NAGK: variants seen among roughly 807,000 people sequenced by gnomAD.
NAGK encodes N-acetyl-D-glucosamine kinase.
A neutral mutation model predicts 42.9 loss-of-function variants in NAGK; 35 were observed. That is an observed-to-expected ratio of 0.82 (90% CI 0.62 to 1.08). The LOEUF is 1.08. Among genes scored for constraint, NAGK ranks in the 50% least tolerant of loss-of-function variants. The pLI, the probability that NAGK is intolerant of heterozygous loss-of-function variation, is 0.00. For missense variants in NAGK, 446 were observed against 446.0 expected (o/e 1.00, Z 0.00); for synonymous variants, 172 against 176.0 (o/e 0.98, Z 0.18).
At chr2:71,068,926 T>G in intron 1 of NAGK, 1 of 1,292,164 alleles carries the variant, frequency 7.7e-7, no homozygotes, top group Non-Finnish European at 9.8e-7. Context: ...CACCCCGGGT[T>G]GGGGATCCTT....
intron 7 of NAGK, 49 bp downstream of exon 7, chr2:71,075,691 C>T (rs1672184639): frequency 6.5e-7 from 1 of 1,533,050 alleles, no homozygotes; most frequent in Admixed American, 1.7e-5. Flanking sequence ...CTCCAAAGAT[C>T]CCCAGTTGGG....
upstream of NAGK, chr2:71,068,590 G>C (rs1671873072): frequency 6.6e-7 from 1 of 1,521,886 alleles, no homozygotes; most frequent in Non-Finnish European, 8.8e-7. Context: ...GGGAGGTCAC[G>C]GGAAGTGGGG....
chr2:71,072,763 G>A lies in NAGK; in HGVS notation c.466+12G>A. ...TGATGAGGGTTCAGGTGAGCTCACTGACTGGCCCAGCTCCAGGTCCTGGAT... is the reference window on the plus strand; with the variant it reads ...TGATGAGGGTTCAGGTGAGCTCACTAACTGGCCCAGCTCCAGGTCCTGGAT... On this transcript the variant is annotated intron_variant, in intron 5 of 9. Transcript: ENST00000244204. The A allele has an allele frequency of 6.2e-7, 1 of 1,605,770 alleles. No individual in the cohort carries two copies.
At chr2:71,075,315 T>C in intron 6 of NAGK, 1 of 433,214 alleles carries the variant, frequency 2.3e-6, no homozygotes, top group Non-Finnish European at 4.1e-6. Context: ...AACACTTTGG[T>C]TAACACAAAT....
Position 71,072,666 on chromosome 2 carries a change from A to G in NAGK, c.381A>G (p.Thr127=). ...PDGGVVLISG[T]GSNCRLINPD... ...GTGGAGTTGTGCTCATATCTGGAAC[A>G]GGCTCCAACTGCAGGCTCATCAACC... Residue 127 remains threonine, a synonymous_variant, in exon 5 of 10, where the codon ACA becomes ACG. Transcript: ENST00000244204. 4 of 1,614,082 alleles carry G rather than the reference A, an allele frequency of 2.5e-6. No homozygotes were observed. Among genetic ancestry groups the G allele is most frequent in the African/African-American group, 1.3e-5 (1 of 75,040 alleles).
At position 71,073,582 on chromosome 2, in the gene NAGK, C is replaced by T; in HGVS notation, c.567C>T (p.Phe189=). The part of the protein sequence containing the change: ...HDIGYVKQAM[F]HYFQVPDRLG... ...TCGGCTACGTCAAACAGGCCATGTT[C>T]CACTATTTCCAGGTACTCCTCCTGC... is the stretch of plus-strand genomic sequence containing the variant. Residue 189 remains phenylalanine, a synonymous_variant, in exon 6 of 10, where the codon TTC becomes TTT. Transcript: ENST00000244204. 2 of 1,612,780 alleles carry T rather than the reference C, an allele frequency of 1.2e-6. No individual in the cohort carries two copies. The highest frequency in any genetic ancestry group is 1.7e-6 in the Non-Finnish European group (2 of 1,178,786).
chr2:71,076,315 C>T (rs1672208851), intron 7 of NAGK: 1 of 299,454 alleles, frequency 3.3e-6, no homozygotes, highest in African/African-American at 2.2e-5. Context: ...GAGCTGGATG[C>T]ATACTAGGTG....
chr2:71,073,324 A>ACCCCCCCCCCCCCCCC, intron 5 of NAGK, 158 bp from the exon 6 acceptor site: 16 of 188,376 alleles, frequency 8.5e-5, no homozygotes, highest in South Asian at 1.7e-4. Context: ...AGACCCTCCC[A>ACCCCCCCCCCCCCCCC]CCCCCCTCTC....
intron 6 of NAGK, 53 bp downstream of exon 6, chr2:71,073,647 A>G (rs1672111659): frequency 1.4e-6 from 2 of 1,419,062 alleles, no homozygotes; most frequent in Non-Finnish European, 1.0e-6. Flanking sequence ...GCAGTGAAAC[A>G]CTCCAAGTAA....
chr2:71,071,073 C>G, intron 3 of NAGK: 1 of 526,508 alleles, frequency 1.9e-6, no homozygotes, highest in South Asian at 2.0e-5. Flanking sequence ...GGTTTGAATC[C>G]CAGCTTTGCT....
chr2:71,073,552 T>A lies in NAGK; in HGVS notation c.537T>A (p.His179Gln), dbSNP rs1206274984. ...DSIDNLEAAP[H>Q]DIGYVKQAMF... ...TTGACAACCTAGAGGCGGCTCCTCA[T>A]GATATCGGCTACGTCAAACAGGCCA... is the stretch of plus-strand genomic sequence containing the variant. The change falls in exon 6 of 10, where the codon CAT becomes CAA. Residue 179 changes from histidine (H) to glutamine (Q), a missense_variant. His to Gln is a conservative substitution (Grantham distance 24). Coordinates refer to ENST00000244204, the MANE Select transcript of NAGK (RefSeq NM_017567.6). The A allele has an allele frequency of 1.9e-6, 3 of 1,614,028 alleles. No individual in the cohort carries two copies. Among genetic ancestry groups the A allele is most frequent in the Non-Finnish European group, 2.5e-6 (3 of 1,180,016 alleles).
At chr2:71,071,111 G>T (rs1035399391) in intron 3 of NAGK, 21 of 449,846 alleles carry the variant, frequency 4.7e-5, no homozygotes, top group Non-Finnish European at 2.9e-5. Context: ...CCCTGTGTAG[G>T]TTACTCACCT....
rs371918677 is a variant in NAGK at position 71,075,628 on chromosome 2, G to C, written c.653G>C (p.Arg218Pro). The C allele has an allele frequency of 3.7e-6, 6 of 1,613,642 alleles. No homozygotes were observed. ...FDKCRFAGFC[R>P]KIAEGAQQGD... ...AAATGCAGGTTTGCTGGGTTTTGCCGGAAAATTGCAGAAGGTACTGGAGGT... is the reference window on the plus strand; with the variant it reads ...AAATGCAGGTTTGCTGGGTTTTGCCCGAAAATTGCAGAAGGTACTGGAGGT... Residue 218 changes from arginine to proline, a missense_variant, in exon 7 of 10, where the codon CGG (arginine) becomes CCG (proline). Physicochemically the swap from Arg to Pro is moderately radical, Grantham distance 103 (BLOSUM62 -2). Transcript: ENST00000244204.
intron 6 of NAGK, among the ~76,000 whole-genome samples, chr2:71,074,354 A>G (rs1008022711): frequency 6.6e-6 from 1 of 152,158 alleles, no homozygotes; most frequent in Non-Finnish European, 1.5e-5. Context: ...GGGCCCGGCT[A>G]GGCCAAGGTG....
chr2:71,075,528 ACT>A (rs763583903), intron 6 of NAGK, 25 bp from the exon 7 acceptor site: 9 of 1,565,524 alleles, frequency 5.7e-6, no homozygotes, highest in South Asian at 3.3e-5. Context: ...GCTTCTGATG[ACT>A]CTCTTGTGCC....
intron 1 of NAGK, 64 bp from the exon 2 acceptor site, chr2:71,070,438 C>G: frequency 3.5e-6 from 5 of 1,437,410 alleles, no homozygotes; most frequent in Non-Finnish European, 4.9e-6. Context: ...GTGTGGACAG[C>G]ACAAGCTTAG....
At position 71,078,342 on chromosome 2, in the gene NAGK, G is replaced by A. The variant is rs188706050; in HGVS notation, c.869G>A (p.Gly290Asp). The A allele has an allele frequency of 7.5e-5, 121 of 1,614,140 alleles. No homozygotes were observed. Among genetic ancestry groups the A allele is most frequent in the East Asian group, 1.6e-4 (7 of 44,880 alleles). Residue 290 changes from glycine to aspartate, a missense_variant, in exon 10 of 10, where the codon GGC becomes GAC. Gly to Asp is a moderately conservative substitution (Grantham distance 94, BLOSUM62 -1). Coordinates refer to ENST00000244204, the MANE Select transcript of NAGK (RefSeq NM_017567.6). ...KEGFLLALTQ[G>D]REIQAQNFFS... ...GGTTTTCTTCTGGCGCTGACCCAGG[G>A]CAGAGAGATCCAGGCTCAGAACTTC... is the stretch of plus-strand genomic sequence containing the variant.
rs994564916 is a variant in NAGK, at chr2:71,073,392, C to T, written c.467-90C>T. On this transcript the variant is annotated intron_variant, in intron 5 of 9. Transcript: ENST00000244204. ...AAACCTAATTTGTATAAAATTCAAG[C>T]AGATCACTAACCTGTCTGGATCTGA... 1.5e-5 allele frequency: 11 copies of T among 719,376 alleles called. No individual in the cohort carries two copies. The African/African-American group carries it at 1.8e-4, about 12-fold the overall frequency. The allele number at this position is 719,376 out of a possible 1,614,324, so 44.6% of individuals were successfully genotyped here.
chr2:71,070,746 C>T lies in NAGK; in HGVS notation c.120C>T (p.Ile40=), dbSNP rs547765989. 6.2e-6 allele frequency: 10 copies of T among 1,614,102 alleles called. No individual in the cohort carries two copies. Among genetic ancestry groups the T allele is most frequent in the East Asian group, 2.2e-5 (1 of 44,884 alleles). Residue 40 remains isoleucine (I), a synonymous_variant, in exon 3 of 10, where the codon ATC becomes ATT. Coordinates refer to ENST00000244204, the MANE Select transcript of NAGK (RefSeq NM_017567.6). ...CTTCCCTTGATTGGGGCCAGCTGAT[C>T]GGGACAGACAAGTGTGTGGAGAGGA... The part of the protein sequence containing the change: ...ADGLSTNHWL[I]GTDKCVERIN...
Sources: gnomAD v4.1 joint callset for allele counts (sites outside exome capture counted in the v4.1 genomes callset) on GRCh38, gnomAD v4.1.1 for gene constraint, MANE v1.5 for transcripts, NCBI Gene and HGNC (gene_info 2026-07-23, HGNC 2026-07-21) for gene names.